Variants in NNMT observed in about 807,000 individuals in gnomAD.
NNMT encodes the protein nicotinamide N-methyltransferase.
In NNMT, 10 loss-of-function variants were observed where a neutral mutation model predicts 11.7. The observed-to-expected ratio is 0.85, with a 90% CI of 0.53 to 1.45. The LOEUF (loss-of-function observed/expected upper bound fraction) is 1.45, where lower values mean the gene tolerates loss of function less well. NNMT is among the 40% of genes most tolerant of loss of function. NNMT has a pLI of 0.00. For synonymous variants in NNMT, 143 were observed against 133.8 expected, an observed-to-expected ratio of 1.07 and a Z score of -0.48; for missense variants, 381 against 319.4, an observed-to-expected ratio of 1.19 and a Z score of -1.47.
intron 2 of NNMT, among the ~76,000 whole-genome samples, chr11:114,288,277 T>C (rs1196014059): frequency 6.6e-6 from 1 of 152,204 alleles, no homozygotes; most frequent in Non-Finnish European, 1.5e-5. Context: ...AACATTTTTG[T>C]CTCTGTTCAA....
At position 114,312,150 on chromosome 11, in the gene NNMT, G is replaced by T. The variant is rs764941070; in HGVS notation, c.468G>T (p.Pro156=). 6.2e-7 allele frequency: 1 copy of T among 1,614,038 alleles called. No homozygotes were observed. Among genetic ancestry groups the T allele is most frequent in the Non-Finnish European group, 8.5e-7 (1 of 1,180,008 alleles). ...CACTGGGGGCCGTCCCCTTACCCCC[G>T]GCTGACTGCGTGCTCAGCACACTGT... is the stretch of plus-strand genomic sequence containing the variant. ...SQPLGAVPLP[P]ADCVLSTLCL... Residue 156 remains proline (P), a synonymous_variant, in exon 3 of 3, where the codon CCG becomes CCT. Coordinates refer to ENST00000299964, the MANE Select transcript of NNMT (RefSeq NM_006169.3).
At chr11:114,296,365 A>G, upstream of NNMT, 1 of 582,696 alleles carries the variant, frequency 1.7e-6, no homozygotes, top group Non-Finnish European at 3.0e-6. Context: ...CATTTCCTAG[A>G]ACAGCCAGAA....
intron 2 of NNMT, among the ~76,000 whole-genome samples, chr11:114,311,775 G>C (rs1945550841): frequency 6.6e-6 from 1 of 152,182 alleles, no homozygotes; most frequent in Admixed American, 6.5e-5. Flanking sequence ...ATTTCATGGA[G>C]GGAAGTCCAC....
Position 114,298,007 on chromosome 11 carries a change from C to A in NNMT, c.211C>A (p.Leu71Ile), listed in dbSNP as rs56077214. 4 of 1,613,924 alleles carry A rather than the reference C, an allele frequency of 2.5e-6. No individual in the cohort carries two copies. The highest frequency in any genetic ancestry group is 2.2e-5 in the East Asian group (1 of 44,856). ...DIGSGPTIYQLLSACESFKEI... is the reference protein window; with the variant it reads ...DIGSGPTIYQILSACESFKEI... ...CGGCTCTGGCCCCACTATCTATCAG[C>A]TCCTCTCTGCTTGTGAATCCTTTAA... is the stretch of plus-strand genomic sequence containing the variant. Residue 71 changes from leucine to isoleucine, a missense_variant, in exon 2 of 3, where the codon CTC becomes ATC. Coordinates refer to ENST00000299964, the MANE Select transcript of NNMT (RefSeq NM_006169.3).
intron 2 of NNMT, among the ~76,000 whole-genome samples, chr11:114,263,403 G>A (rs1195615360): frequency 6.6e-6 from 1 of 152,142 alleles, no homozygotes; most frequent in Non-Finnish European, 1.5e-5. Flanking sequence ...ACTCCCTTCT[G>A]GGCAAGCTTA....
chr11:114,261,876 GCCCTAAC>G (rs1356657499), intron 1 of NNMT, among the ~76,000 whole-genome samples: 1 of 152,184 alleles, frequency 6.6e-6, no homozygotes, highest in Non-Finnish European at 1.5e-5. Context: ...CTGTCAGTCA[GCCCTAAC>G]CCCAGGGATA....
chr11:114,309,579 A>C (rs201542059), intron 2 of NNMT, among the ~76,000 whole-genome samples: 1,893 of 151,318 alleles, frequency 0.013, 45 homozygotes, highest in African/African-American at 0.044. Flanking sequence ...TGCTAAGCTC[A>C]TCTCTCTCTC....
upstream of NNMT, chr11:114,296,248 G>T: frequency 4.3e-6 from 1 of 233,612 alleles, no homozygotes; most frequent in South Asian, 1.2e-4. Flanking sequence ...ACAATCCCTG[G>T]CGGCTGGCCT....
chr11:114,312,552 CAT>C lies in NNMT; in HGVS notation c.*76_*77del. Reference sequence around the variant, plus strand: ...TAGTCCTTGTTTCTAACTGCCAAGTCATGTGCTGAGTAGAGGCTCAGTGGTTG... The same window carrying C: ...TAGTCCTTGTTTCTAACTGCCAAGTCGTGCTGAGTAGAGGCTCAGTGGTTG... On this transcript the variant is annotated 3_prime_UTR_variant, in exon 3 of 3. Coordinates refer to ENST00000299964, the MANE Select transcript of NNMT (RefSeq NM_006169.3). The C allele has an allele frequency of 7.6e-6, 11 of 1,447,108 alleles. No individual in the cohort carries two copies. Among genetic ancestry groups the C allele is most frequent in the African/African-American group, 1.4e-5 (1 of 71,912 alleles). 89.6% of individuals were successfully genotyped at this position (1,447,108 alleles called of 1,614,324 possible).
intron 2 of NNMT, among the ~76,000 whole-genome samples, chr11:114,308,308 G>C (rs1481829417): frequency 6.6e-6 from 1 of 152,134 alleles, no homozygotes; most frequent in African/African-American, 2.4e-5. Context: ...TTTCTCAGGA[G>C]AGCCTGCAGG....
intron 2 of NNMT, among the ~76,000 whole-genome samples, chr11:114,290,643 T>C (rs2135264672): frequency 6.6e-6 from 1 of 152,224 alleles, no homozygotes; most frequent in East Asian, 1.9e-4. Context: ...ATCACCCACA[T>C]GTTGGCCTTC....
intron 2 of NNMT, among the ~76,000 whole-genome samples, chr11:114,265,598 G>C (rs1239319351): frequency 6.6e-6 from 1 of 152,194 alleles, no homozygotes; most frequent in Non-Finnish European, 1.5e-5. Flanking sequence ...GATTGAGTCT[G>C]CCTTGGGACA....
chr11:114,290,610 C>G (rs997061804), intron 2 of NNMT, among the ~76,000 whole-genome samples: 2 of 152,134 alleles, frequency 1.3e-5, no homozygotes, highest in Non-Finnish European at 2.9e-5. Context: ...CCACACAAGG[C>G]ATTATTTTTT....
intron 2 of NNMT, among the ~76,000 whole-genome samples, chr11:114,290,333 C>T (rs1449690587): frequency 6.6e-6 from 1 of 152,172 alleles, no homozygotes; most frequent in Non-Finnish European, 1.5e-5. Context: ...AGAGCTGTTT[C>T]TTTTTCTCTC....
chr11:114,283,671 G>A (rs1471521939), intron 2 of NNMT, among the ~76,000 whole-genome samples: 1 of 152,000 alleles, frequency 6.6e-6, no homozygotes, highest in Non-Finnish European at 1.5e-5. Context: ...ATTTCCATGA[G>A]GTTATTACGT....
At position 114,296,554 on chromosome 11, in the gene NNMT, A is replaced by G; in HGVS notation, c.-3A>G. 4 of 1,613,748 alleles carry G rather than the reference A, an allele frequency of 2.5e-6. No homozygotes were observed. The highest frequency in any genetic ancestry group is 1.1e-5 in the South Asian group (1 of 91,054). Reference sequence around the variant, plus strand: ...TGCTCCAGTGGTACAGAAGTGAGACATAATGGAATCAGGCTTCACCTCCAA... The same window carrying G: ...TGCTCCAGTGGTACAGAAGTGAGACGTAATGGAATCAGGCTTCACCTCCAA... On this transcript the variant is annotated 5_prime_UTR_variant, in exon 1 of 3. Coordinates refer to ENST00000299964, the MANE Select transcript of NNMT (RefSeq NM_006169.3).
intron 2 of NNMT, among the ~76,000 whole-genome samples, chr11:114,305,783 A>G (rs1279889159): frequency 2.0e-5 from 3 of 152,080 alleles, no homozygotes; most frequent in African/African-American, 7.2e-5. Context: ...AGTCTTTGCT[A>G]TTGTGAATAG....
chr11:114,258,084 G>C (rs1025193447), intron 1 of NNMT, among the ~76,000 whole-genome samples: 1 of 152,172 alleles, frequency 6.6e-6, no homozygotes, highest in Admixed American at 6.5e-5. Context: ...GCCAGCCCCG[G>C]CTGCCACTGC....
At chr11:114,304,090 A>G (rs1026984331) in intron 2 of NNMT, among the ~76,000 whole-genome samples, 2 of 152,216 alleles carry the variant, frequency 1.3e-5, no homozygotes, top group African/African-American at 4.8e-5. Context: ...TTAACTAGAA[A>G]CAATTGCAGC....
Sources: allele counts gnomAD v4.1 joint callset (sites outside exome capture counted in the v4.1 genomes callset), GRCh38; gene constraint gnomAD v4.1.1; transcripts MANE v1.5; gene names NCBI Gene and HGNC (gene_info 2026-07-23, HGNC 2026-07-21).